WWOX: variants seen among roughly 807,000 people sequenced by gnomAD.
The protein encoded by WWOX is WW domain containing oxidoreductase.
In WWOX, 69 loss-of-function variants were observed where a neutral mutation model predicts 46.2. The observed-to-expected ratio is 1.49, with a 90% CI of 1.23 to 1.82. WWOX has a LOEUF of 1.82. WWOX is among the 40% of genes most tolerant of loss of function. The pLI is 0.00. For synonymous variants in WWOX, 359 were observed against 202.6 expected (o/e 1.77, Z -6.56); for missense variants, 919 against 542.6 (o/e 1.69, Z -6.89).
At chr16:78,416,771 G>A (rs1336176065) in intron 6 of WWOX, among the ~76,000 whole-genome samples, 1 of 152,242 alleles carries the variant, frequency 6.6e-6, no homozygotes, top group African/African-American at 2.4e-5. Context: ...GGATAAAAGT[G>A]AAGGATAAAG....
intron 8 of WWOX, among the ~76,000 whole-genome samples, chr16:78,701,165 A>G (rs1387294910): frequency 6.6e-6 from 1 of 152,330 alleles, no homozygotes; most frequent in African/African-American, 2.4e-5. Context: ...CACTTATAAC[A>G]GGACCTGGCA....
intron 6 of WWOX, among the ~76,000 whole-genome samples, chr16:78,387,399 G>C (rs1027516277): frequency 6.6e-6 from 1 of 152,084 alleles, no homozygotes; most frequent in Non-Finnish European, 1.5e-5. Context: ...GATTTGATGT[G>C]GTACATGGAT....
chr16:79,180,649 C>G (rs375740861), intron 8 of WWOX, among the ~76,000 whole-genome samples: 12 of 147,744 alleles, frequency 8.1e-5, no homozygotes, highest in African/African-American at 3.2e-4. Flanking sequence ...CTTTCTTTTT[C>G]TCTTCTTCTT....
At chr16:78,169,526 A>G (rs1031488337) in intron 5 of WWOX, among the ~76,000 whole-genome samples, 3 of 152,030 alleles carry the variant, frequency 2.0e-5, no homozygotes, top group Non-Finnish European at 2.9e-5. Context: ...GTATCAAAAC[A>G]TACTTCATGA....
intron 8 of WWOX, among the ~76,000 whole-genome samples, chr16:79,040,181 A>G (rs1387557265): frequency 6.6e-6 from 1 of 152,108 alleles, no homozygotes; most frequent in Non-Finnish European, 1.5e-5. Context: ...GGAAAATGAT[A>G]GCGTTCATCC....
At chr16:78,934,351 A>AAAAAAAAAAAAAAG (rs60762741) in intron 8 of WWOX, among the ~76,000 whole-genome samples, 43 of 148,028 alleles carry the variant, frequency 2.9e-4, no homozygotes, top group Non-Finnish European at 5.7e-4. Flanking sequence ...AAAAAAAAAA[A>AAAAAAAAAAAAAAG]GAAGAAACTT....
At chr16:78,441,671 G>C (rs2083447477) in intron 8 of WWOX, among the ~76,000 whole-genome samples, 1 of 152,174 alleles carries the variant, frequency 6.6e-6, no homozygotes, top group African/African-American at 2.4e-5. Context: ...TCTTGGGCAA[G>C]GTTCAAAACC....
chr16:78,790,529 A>T (rs1164744250), intron 8 of WWOX, among the ~76,000 whole-genome samples: 1 of 152,220 alleles, frequency 6.6e-6, no homozygotes, highest in Non-Finnish European at 1.5e-5. Context: ...CAGCCAAAAG[A>T]GACCAGTATC....
intron 8 of WWOX, among the ~76,000 whole-genome samples, chr16:78,764,806 C>T (rs532660918): frequency 2.0e-5 from 3 of 151,752 alleles, no homozygotes; most frequent in African/African-American, 7.3e-5. Flanking sequence ...AACAACTTAC[C>T]TAGGTCTGAT....
intron 8 of WWOX, among the ~76,000 whole-genome samples, chr16:79,199,775 G>C (rs543805848): frequency 6.5e-4 from 99 of 152,324 alleles, no homozygotes; most frequent in African/African-American, 2.4e-3. Context: ...TCGAAGGTCA[G>C]CTACACAACT....
intron 4 of WWOX, among the ~76,000 whole-genome samples, chr16:78,153,988 A>G (rs1406570096): frequency 1.3e-5 from 2 of 152,090 alleles, no homozygotes; most frequent in East Asian, 1.9e-4. Flanking sequence ...TCTGTGGGCG[A>G]CTGTCCCCAC....
intron 8 of WWOX, 78 bp from the exon 9 acceptor site, chr16:79,211,530 G>C: frequency 6.3e-7 from 1 of 1,585,814 alleles, no homozygotes; most frequent in Middle Eastern, 2.1e-4. Context: ...GCCTGCTAAT[G>C]CCCAGGCAGT....
intron 8 of WWOX, among the ~76,000 whole-genome samples, chr16:79,170,818 G>A (rs569357296): frequency 6.6e-6 from 1 of 152,104 alleles, no homozygotes; most frequent in Non-Finnish European, 1.5e-5. Flanking sequence ...ATTTAAGCAG[G>A]AGATGAGGTC....
intron 8 of WWOX, among the ~76,000 whole-genome samples, chr16:78,469,385 C>G (rs1185427372): frequency 6.6e-6 from 1 of 152,092 alleles, no homozygotes; most frequent in Non-Finnish European, 1.5e-5. Flanking sequence ...CAAAATACAT[C>G]TCTTCACAGG....
At chr16:78,703,780 A>C (rs1038949781) in intron 8 of WWOX, among the ~76,000 whole-genome samples, 1 of 152,094 alleles carries the variant, frequency 6.6e-6, no homozygotes, top group Non-Finnish European at 1.5e-5. Context: ...TTGACTTCAC[A>C]GGGAGAATAT....
chr16:79,135,330 C>A (rs1239016629), intron 8 of WWOX, among the ~76,000 whole-genome samples: 2 of 151,866 alleles, frequency 1.3e-5, no homozygotes, highest in African/African-American at 4.8e-5. Context: ...TTTCCTTTTC[C>A]CATAATTTTA....
intron 8 of WWOX, among the ~76,000 whole-genome samples, chr16:78,963,392 A>G (rs2046307904): frequency 1.3e-5 from 2 of 152,164 alleles, no homozygotes; most frequent in South Asian, 4.1e-4. Flanking sequence ...TTGCTGGAGT[A>G]CAGGAGATTG....
intron 8 of WWOX, among the ~76,000 whole-genome samples, chr16:79,210,196 C>T (rs1449940373): frequency 1.3e-5 from 2 of 152,198 alleles, no homozygotes; most frequent in South Asian, 2.1e-4. Context: ...CAGACCAACT[C>T]CATTGTTACT....
intron 5 of WWOX, among the ~76,000 whole-genome samples, chr16:78,368,035 G>A (rs1391923650): frequency 1.3e-5 from 2 of 152,184 alleles, no homozygotes; most frequent in Admixed American, 1.3e-4. Flanking sequence ...GGGATTACAG[G>A]TGTGAGCCTC....
Sources: gnomAD v4.1 joint callset for allele counts (sites outside exome capture counted in the v4.1 genomes callset) on GRCh38, gnomAD v4.1.1 for gene constraint, MANE v1.5 for transcripts, NCBI Gene and HGNC (gene_info 2026-07-23, HGNC 2026-07-21) for gene names.